The following WDR44 variants were observed in gnomAD, a reference collection of about 807,000 sequenced individuals.
WDR44 encodes the protein WD repeat domain 44.
A neutral mutation model predicts 65.7 loss-of-function variants in WDR44; 9 were observed. That is an observed-to-expected ratio of 0.14 (90% CI 0.08 to 0.24). The LOEUF (loss-of-function observed/expected upper bound fraction) is 0.24, where lower values mean the gene tolerates loss of function less well. WDR44 is among the 10% of genes least tolerant of loss of function. WDR44 has a pLI of 1.00. For synonymous variants in WDR44, 220 were observed against 235.2 expected (o/e 0.94, Z 0.59); for missense variants, 425 against 670.9 (o/e 0.63, Z 4.05).
intron 3 of WDR44, among the ~76,000 whole-genome samples, chrX:118,389,496 G>C (rs969927440): frequency 2.3e-4 from 25 of 110,420 alleles, no homozygotes; most frequent in Non-Finnish European, 4.2e-4. Flanking sequence ...CGAGGCAGGC[G>C]GATCACCTGA....
intron 1 of WDR44, among the ~76,000 whole-genome samples, chrX:118,365,169 G>C (rs757302976): frequency 8.9e-6 from 1 of 112,041 alleles, no homozygotes; most frequent in South Asian, 3.7e-4. Flanking sequence ...TGATAATTCA[G>C]CCTAAAAACA....
chrX:118,376,625 T>C (rs2056662560), intron 1 of WDR44, among the ~76,000 whole-genome samples: 1 of 111,712 alleles, frequency 9.0e-6, no homozygotes, highest in Non-Finnish European at 1.9e-5. Flanking sequence ...AGTAGCCTTA[T>C]GCTTTGAAGC....
chrX:118,398,142 C>T (rs1217242382), intron 7 of WDR44, among the ~76,000 whole-genome samples: 3 of 111,842 alleles, frequency 2.7e-5, no homozygotes, highest in Admixed American at 9.5e-5. Context: ...GAGGCTGAGG[C>T]AGGAGAATTG....
intron 1 of WDR44, among the ~76,000 whole-genome samples, chrX:118,377,301 A>G (rs772161402): frequency 5.6e-4 from 62 of 111,020 alleles, no homozygotes; most frequent in African/African-American, 1.7e-3. Flanking sequence ...TCGAGGCTGC[A>G]GTGAGCCAAG....
chrX:118,364,168 G>A (rs779747708), intron 1 of WDR44, among the ~76,000 whole-genome samples: 6 of 112,364 alleles, frequency 5.3e-5, no homozygotes, highest in Non-Finnish European at 7.5e-5. Context: ...CTAACTCCTC[G>A]TTTGTAAAAA....
intron 1 of WDR44, among the ~76,000 whole-genome samples, chrX:118,360,275 C>T (rs1204856989): frequency 8.9e-6 from 1 of 112,100 alleles, no homozygotes; most frequent in Non-Finnish European, 1.9e-5. Context: ...TATTACATAC[C>T]ACATTTTAAA....
At chrX:118,397,485 C>A (rs1302287987) in intron 7 of WDR44, among the ~76,000 whole-genome samples, 1 of 110,612 alleles carries the variant, frequency 9.0e-6, no homozygotes, top group Non-Finnish European at 1.9e-5. Flanking sequence ...CATAGTGAGA[C>A]CTCATCTCCA....
rs2056829162 is a variant in WDR44, at chrX:118,392,621, C to A, written c.187-11C>A. 1.7e-6 allele frequency: 2 copies of A among 1,172,070 alleles called. No homozygotes were observed. The highest frequency in any genetic ancestry group is 6.0e-5 in the East Asian group (2 of 33,426). ...TTCATTTTTAAAAACTACTTTTAAC[C>A]CTTTCATCAGATTATTGAAAGTATT... On this transcript the variant is annotated splice_polypyrimidine_tract_variant and intron_variant, in intron 3 of 19. Transcript: ENST00000254029.
intron 8 of WDR44, among the ~76,000 whole-genome samples, chrX:118,400,329 G>A (rs771643906): frequency 9.0e-6 from 1 of 111,154 alleles, no homozygotes; most frequent in Non-Finnish European, 1.9e-5. Context: ...GCATTAGAAA[G>A]GCTCTGAATG....
chrX:118,444,218 T>G (rs759896052), intron 18 of WDR44, 142 bp from the exon 19 acceptor site: 1 of 646,915 alleles, frequency 1.5e-6, no homozygotes, highest in South Asian at 4.7e-5. Context: ...TATGTGATTT[T>G]TTTTAGAAAA....
chrX:118,421,662 G>A (rs1023065251), intron 12 of WDR44, among the ~76,000 whole-genome samples: 2 of 111,620 alleles, frequency 1.8e-5, no homozygotes, highest in Non-Finnish European at 3.8e-5. Context: ...ATATATAAAA[G>A]TATTGTACAG....
chrX:118,361,018 G>GA (rs1185684855), intron 1 of WDR44, among the ~76,000 whole-genome samples: 2 of 109,980 alleles, frequency 1.8e-5, no homozygotes, highest in African/African-American at 6.6e-5. Flanking sequence ...CTCAGGGCCT[G>GA]AAAAAAAAGT....
intron 12 of WDR44, among the ~76,000 whole-genome samples, chrX:118,422,067 A>G: frequency 9.0e-6 from 1 of 111,507 alleles, no homozygotes; most frequent in Non-Finnish European, 1.9e-5. Context: ...GAACATTAGC[A>G]TAGGTGTTGT....
Position 118,423,189 on chromosome X carries a change from A to G in WDR44, c.1738-9592A>G, listed in dbSNP as rs748300452. On this transcript the variant is annotated intron_variant, in intron 12 of 19. Coordinates refer to ENST00000254029, the MANE Select transcript of WDR44 (RefSeq NM_019045.5). Reference sequence around the variant, plus strand: ...AATATAAAGTTGTTTTTTTTTTGAGATAGAGTTTCACTATTGTTGCCTAGG... The same window carrying G: ...AATATAAAGTTGTTTTTTTTTTGAGGTAGAGTTTCACTATTGTTGCCTAGG... Among the ~76,000 whole-genome samples the G allele has an allele frequency of 7.3e-5, 8 of 110,266 alleles. No homozygotes were observed. The Admixed American group carries it at 7.8e-4, about 11-fold the overall frequency.
intron 19 of WDR44, among the ~76,000 whole-genome samples, chrX:118,446,052 A>G (rs2057343437): frequency 9.3e-6 from 1 of 107,966 alleles, no homozygotes; most frequent in African/African-American, 3.4e-5. Flanking sequence ...AAAAAAAAAA[A>G]AGACCAAGGT....
chrX:118,352,605 C>G (rs986060642), intron 1 of WDR44, among the ~76,000 whole-genome samples: 4 of 108,569 alleles, frequency 3.7e-5, no homozygotes, highest in African/African-American at 1.3e-4. Context: ...TACTGTCTAA[C>G]CTTTACATTA....
intron 1 of WDR44, 104 bp downstream of exon 1, chrX:118,346,684 C>T: frequency 1.6e-6 from 1 of 635,029 alleles, no homozygotes; most frequent in Non-Finnish European, 2.3e-6. Flanking sequence ...TCCGCCACCG[C>T]TGTTCCTCCC....
At chrX:118,418,007 TA>T (rs943519260) in intron 12 of WDR44, among the ~76,000 whole-genome samples, 5 of 112,045 alleles carry the variant, frequency 4.5e-5, no homozygotes, top group African/African-American at 1.6e-4. Flanking sequence ...TTCATTTCTA[TA>T]AGTGTGTACA....
chrX:118,416,029 C>T (rs1443378067), intron 12 of WDR44, among the ~76,000 whole-genome samples: 1 of 111,622 alleles, frequency 9.0e-6, no homozygotes. Flanking sequence ...GTTGTAATAT[C>T]TCCTGTTTCT....
Sources: allele counts gnomAD v4.1 joint callset (sites outside exome capture counted in the v4.1 genomes callset), GRCh38; gene constraint gnomAD v4.1.1; transcripts MANE v1.5; gene names NCBI Gene and HGNC (gene_info 2026-07-23, HGNC 2026-07-21).